The following LGALS8 variants were observed in gnomAD, a reference collection of about 807,000 sequenced individuals.
LGALS8 encodes galectin 8.
In LGALS8, 30 loss-of-function variants were observed where a neutral mutation model predicts 35.9. The observed-to-expected ratio is 0.83, with a 90% CI of 0.62 to 1.13. The LOEUF is 1.13. LGALS8 is among the 50% of genes most tolerant of loss of function. The probability of loss-of-function intolerance (pLI) is 0.00; values close to 1 mark genes in which losing one functional copy is unlikely to be tolerated. For synonymous variants in LGALS8, 138 were observed against 136.1 expected (o/e 1.01, Z -0.10); for missense variants, 366 against 388.7 (o/e 0.94, Z 0.49).
chr1:236,538,633 C>T (rs138173383), intron 3 of LGALS8, among the ~76,000 whole-genome samples: 12 of 152,332 alleles, frequency 7.9e-5, no homozygotes, highest in Non-Finnish European at 1.6e-4. Context: ...GGCCTAGCTG[C>T]GAGGGAGGCT....
chr1:236,538,862 T>A lies in LGALS8; in HGVS notation c.135-17T>A, dbSNP rs369506119. ...TTTCTGAGCACTCATGGGGCCCCTG[T>A]GTCTTCCCTCATATAGATTCCAGGT... On this transcript the variant is annotated splice_polypyrimidine_tract_variant and intron_variant, in intron 3 of 9. Coordinates refer to ENST00000366584, the MANE Select transcript of LGALS8 (RefSeq NM_201544.4). The A allele has an allele frequency of 2.3e-4, 374 of 1,599,814 alleles. No individual in the cohort carries two copies. Among genetic ancestry groups the A allele is most frequent in the Non-Finnish European group, 3.1e-4 (361 of 1,168,518 alleles).
intron 8 of LGALS8, 107 bp from the exon 9 acceptor site, chr1:236,544,643 T>C (rs1391490235): frequency 5.2e-5 from 41 of 792,684 alleles, no homozygotes; most frequent in Middle Eastern, 3.9e-4. Context: ...GTGTGTTTCA[T>C]AGAGTTAGAA....
intron 2 of LGALS8, among the ~76,000 whole-genome samples, chr1:236,527,308 T>C (rs1660867551): frequency 6.6e-6 from 1 of 152,166 alleles, no homozygotes; most frequent in African/African-American, 2.4e-5. Flanking sequence ...CTGTAGTTTC[T>C]GGGGTCAGTA....
At chr1:236,527,380 GAGA>G (rs1172406985) in intron 2 of LGALS8, among the ~76,000 whole-genome samples, 1 of 152,238 alleles carries the variant, frequency 6.6e-6, no homozygotes, top group African/African-American at 2.4e-5. Flanking sequence ...AGGGGATCTG[GAGA>G]AGTAGTTCTG....
intron 5 of LGALS8, 37 bp downstream of exon 5, chr1:236,540,720 G>T (rs947696731): frequency 1.3e-6 from 2 of 1,544,674 alleles, no homozygotes; most frequent in South Asian, 1.2e-5. Context: ...CTTTTATGAG[G>T]ATGGTTTCTG....
At chr1:236,531,851 G>T (rs1203413354) in intron 2 of LGALS8, among the ~76,000 whole-genome samples, 2 of 152,152 alleles carry the variant, frequency 1.3e-5, no homozygotes, top group African/African-American at 4.8e-5. Flanking sequence ...TTGTGCCTAT[G>T]ATTTATTGCG....
intron 5 of LGALS8, 26 bp downstream of exon 5, chr1:236,540,709 T>C: frequency 1.9e-6 from 3 of 1,578,112 alleles, no homozygotes; most frequent in Non-Finnish European, 2.6e-6. Flanking sequence ...CAGCTTGGGG[T>C]CTTTTATGAG....
At chr1:236,520,583 A>G (rs1397186029), upstream of LGALS8, among the ~76,000 whole-genome samples, 1 of 152,026 alleles carries the variant, frequency 6.6e-6, no homozygotes, top group Non-Finnish European at 1.5e-5. Flanking sequence ...TCCTAAGCCC[A>G]TTGCTTACTT....
At chr1:236,546,050 T>G (rs1662342414) in intron 9 of LGALS8, among the ~76,000 whole-genome samples, 1 of 152,148 alleles carries the variant, frequency 6.6e-6, no homozygotes, top group Non-Finnish European at 1.5e-5. Context: ...GGCCCCAAGT[T>G]TGGATCTGCT....
At chr1:236,519,673 T>C (rs963168655), upstream of LGALS8, among the ~76,000 whole-genome samples, 1 of 152,206 alleles carries the variant, frequency 6.6e-6, no homozygotes, top group Admixed American at 6.5e-5. Flanking sequence ...AGTAGCGTGC[T>C]GGTAAATGTT....
intron 8 of LGALS8, among the ~76,000 whole-genome samples, chr1:236,543,941 ACAT>A (rs1252991535): frequency 6.6e-5 from 8 of 121,552 alleles, no homozygotes; most frequent in Non-Finnish European, 1.3e-4. Flanking sequence ...AGATCAGGCA[ACAT>A]CTTTTCTTTT....
intron 8 of LGALS8, 28 bp from the exon 9 acceptor site, chr1:236,544,722 G>GTTTTT: frequency 2.9e-5 from 39 of 1,347,350 alleles, no homozygotes; most frequent in Admixed American, 1.3e-4. Flanking sequence ...GTTAATTAAG[G>GTTTTT]TTTTTTTTTT....
At chr1:236,531,267 A>G (rs368824254) in intron 2 of LGALS8, among the ~76,000 whole-genome samples, 1 of 152,138 alleles carries the variant, frequency 6.6e-6, no homozygotes, top group East Asian at 1.9e-4. Context: ...AATCTGTAAA[A>G]GTGGAATCAC....
chr1:236,552,044 C>T lies in LGALS8; in HGVS notation c.*3883C>T, dbSNP rs977899516. 6.2e-7 allele frequency: 1 copy of T among 1,613,598 alleles called. No individual in the cohort carries two copies. Among genetic ancestry groups the T allele is most frequent in the South Asian group, 1.1e-5 (1 of 91,054 alleles). ...AAAGGAATGGATTCTGGTAGCAAGA[C>T]AATATAATTCTCCTTTAGTTTTTCA... On this transcript the variant is annotated 3_prime_UTR_variant, in exon 10 of 10. Coordinates refer to ENST00000366584, the MANE Select transcript of LGALS8 (RefSeq NM_201544.4).
Position 236,551,918 on chromosome 1 carries a change from A to T in LGALS8, c.*3757A>T. The T allele has an allele frequency of 1.1e-6, 1 of 911,068 alleles. No homozygotes were observed. The highest frequency in any genetic ancestry group is 1.6e-5 in the African/African-American group (1 of 61,394). The allele number at this position is 911,068 out of a possible 1,614,324, so 56.4% of individuals were successfully genotyped here. On this transcript the variant is annotated 3_prime_UTR_variant, in exon 10 of 10. Transcript: ENST00000366584. ...CTAGTCACGTTATATCCAAATCTGCATTATCATTGGGCACATTTTCACAGA... is the reference window on the plus strand; with the variant it reads ...CTAGTCACGTTATATCCAAATCTGCTTTATCATTGGGCACATTTTCACAGA...
At chr1:236,532,853 CAAAAAACAAAA>C (rs1661227442) in intron 2 of LGALS8, among the ~76,000 whole-genome samples, 1 of 58,696 alleles carries the variant, frequency 1.7e-5, no homozygotes, top group East Asian at 7.9e-4. Context: ...TCAAGAAAAA[CAAAAAACAAAA>C]AACAAAAAAC....
rs751847944 is a variant in LGALS8 at position 236,540,615 on chromosome 1, G to C, written c.397G>C (p.Glu133Gln). 5.6e-6 allele frequency: 9 copies of C among 1,611,340 alleles called. No individual in the cohort carries two copies. The highest frequency in any genetic ancestry group is 1.7e-4 in the Middle Eastern group (1 of 6,056). The stretch of plus-strand genomic sequence containing the variant: ...GCTCTATGGCCACAGGATCGGCCCA[G>C]AGAAAATAGACACTCTGGGCATTTA... ...TLLYGHRIGP[E>Q]KIDTLGIYGK... Residue 133 changes from glutamate (E) to glutamine (Q), a missense_variant, in exon 5 of 10, where the codon GAG becomes CAG. By Grantham distance (29) the Glu-to-Gln change is conservative. Coordinates refer to ENST00000366584, the MANE Select transcript of LGALS8 (RefSeq NM_201544.4).
At position 236,543,538 on chromosome 1, in the gene LGALS8, CCTGA is replaced by C. The variant is rs763387620; in HGVS notation, c.550-18_550-15del. 19 of 1,589,142 alleles carry C rather than the reference CCTGA, an allele frequency of 1.2e-5. No individual in the cohort carries two copies. The highest frequency in any genetic ancestry group is 1.6e-5 in the Non-Finnish European group (18 of 1,157,052). On this transcript the variant is annotated intron_variant, in intron 7 of 9. Transcript: ENST00000366584. ...GATCGCTTTCTGCAGGCCTCTTGGTCCTGACTGTGGCTTCTTTTCAGAGGCTGCC... is the reference window on the plus strand; with the variant it reads ...GATCGCTTTCTGCAGGCCTCTTGGTCCTGTGGCTTCTTTTCAGAGGCTGCC...
At chr1:236,546,545 G>T (rs1572021138) in intron 9 of LGALS8, among the ~76,000 whole-genome samples, 4 of 73,168 alleles carry the variant, frequency 5.5e-5, no homozygotes, top group African/African-American at 1.9e-4. Flanking sequence ...TGAAATCCGT[G>T]TTCCAGCTGT....
Sources: gnomAD v4.1 joint callset for allele counts (sites outside exome capture counted in the v4.1 genomes callset) on GRCh38, gnomAD v4.1.1 for gene constraint, MANE v1.5 for transcripts, NCBI Gene and HGNC (gene_info 2026-07-23, HGNC 2026-07-21) for gene names.